GPR158: variants seen among roughly 807,000 people sequenced by gnomAD.
GPR158 encodes the protein metabotropic glycine receptor.
A neutral mutation model predicts 78.2 loss-of-function variants in GPR158; 30 were observed. The ratio of observed to expected loss-of-function variants is 0.38; its 90% CI spans 0.29 to 0.52. The LOEUF (loss-of-function observed/expected upper bound fraction) is 0.52, where lower values mean the gene tolerates loss of function less well. Ranked by LOEUF, GPR158 falls within the 20% of genes least tolerant of loss-of-function variation. GPR158 has a pLI of 0.83. For missense variants in GPR158, 1,463 were observed against 1,523.5 expected (o/e 0.96, Z 0.66); for synonymous variants, 581 against 591.1 (o/e 0.98, Z 0.25).
At chr10:25,406,489 A>C (rs965484616) in intron 3 of GPR158, among the ~76,000 whole-genome samples, 5 of 152,172 alleles carry the variant, frequency 3.3e-5, no homozygotes, top group Non-Finnish European at 7.4e-5. Flanking sequence ...TGAAAGGATC[A>C]GATTTCAGTT....
chr10:25,588,324 T>C (rs960131177), intron 7 of GPR158, among the ~76,000 whole-genome samples: 1 of 152,214 alleles, frequency 6.6e-6, no homozygotes, highest in African/African-American at 2.4e-5. Flanking sequence ...CAGAATTATA[T>C]CTAACACGGT....
intron 6 of GPR158, among the ~76,000 whole-genome samples, chr10:25,566,650 G>A (rs1836932906): frequency 1.3e-5 from 2 of 152,224 alleles, no homozygotes; most frequent in Admixed American, 1.3e-4. Flanking sequence ...GAACCCAGTT[G>A]TGAATTTTCT....
rs1445088488 is a variant in GPR158 at position 25,601,235 on chromosome 10, G to A, written c.*1961G>A. On this transcript the variant is annotated 3_prime_UTR_variant, in exon 11 of 11. Transcript: ENST00000376351. ...AAGCACTTCACTGTTTCACAAAGCT[G>A]TGCGCAAATCTTCCTCACCCATTTG... 1 of 152,602 alleles carries A rather than the reference G, an allele frequency of 6.6e-6. No individual in the cohort carries two copies. The highest frequency in any genetic ancestry group is 1.5e-5 in the Non-Finnish European group (1 of 68,032). 9.5% of individuals were successfully genotyped at this position (152,602 alleles called of 1,614,324 possible). A position where few individuals can be genotyped will look rare whatever the true frequency, so the allele number is the denominator to read the frequency against.
chr10:25,540,634 C>A (rs1042099947), intron 5 of GPR158, among the ~76,000 whole-genome samples: 1 of 151,982 alleles, frequency 6.6e-6, no homozygotes, highest in African/African-American at 2.4e-5. Flanking sequence ...GAGTTCATGT[C>A]CTTTGTAGGG....
intron 2 of GPR158, among the ~76,000 whole-genome samples, chr10:25,323,422 T>C (rs999164563): frequency 6.6e-6 from 1 of 152,210 alleles, no homozygotes; most frequent in Non-Finnish European, 1.5e-5. Flanking sequence ...TTCTCCTCTC[T>C]AGCTATGAAA....
intron 7 of GPR158, among the ~76,000 whole-genome samples, chr10:25,578,433 A>C (rs1837135966): frequency 6.6e-6 from 1 of 152,238 alleles, no homozygotes; most frequent in Admixed American, 6.5e-5. Flanking sequence ...GAAGTCATAC[A>C]CTTGTCCCCA....
intron 5 of GPR158, among the ~76,000 whole-genome samples, chr10:25,492,859 T>A (rs1835828790): frequency 6.7e-6 from 1 of 148,444 alleles, no homozygotes; most frequent in African/African-American, 2.4e-5. Flanking sequence ...TTTAATATTT[T>A]AATATTAATA....
rs71495420 is a variant in GPR158 at position 25,286,818 on chromosome 10, C to T, written c.1008+65661C>T. ...TGCTATGGTTACCCTCATTGTACCACCAGCTTGCCATTTCAGTAGTTGTTA... is the reference window on the plus strand; with the variant it reads ...TGCTATGGTTACCCTCATTGTACCATCAGCTTGCCATTTCAGTAGTTGTTA... On this transcript the variant is annotated intron_variant, in intron 2 of 10. Transcript: ENST00000376351. 2.0e-3 allele frequency among the ~76,000 whole-genome samples: 297 copies of T among 152,134 alleles called. No homozygotes were observed. In the Middle Eastern group the frequency reaches 0.024, roughly 12 times the overall value.
At chr10:25,468,301 T>A (rs1487469305) in intron 5 of GPR158, among the ~76,000 whole-genome samples, 1 of 152,184 alleles carries the variant, frequency 6.6e-6, no homozygotes, top group East Asian at 1.9e-4. Flanking sequence ...CTCCTGCTCA[T>A]GTCTGGCTAT....
intron 5 of GPR158, among the ~76,000 whole-genome samples, chr10:25,536,809 A>G (rs189729312): frequency 6.6e-4 from 101 of 152,336 alleles, no homozygotes; most frequent in Non-Finnish European, 1.1e-3. Context: ...CAGCCAACCC[A>G]TGCTACTCTA....
chr10:25,411,752 A>G (rs928420947), intron 3 of GPR158, among the ~76,000 whole-genome samples: 4 of 151,758 alleles, frequency 2.6e-5, no homozygotes, highest in African/African-American at 9.7e-5. Flanking sequence ...TGGCTAACAC[A>G]GTGAAACCCC....
intron 2 of GPR158, among the ~76,000 whole-genome samples, chr10:25,239,291 A>G (rs1192287568): frequency 1.3e-5 from 2 of 152,070 alleles, no homozygotes; most frequent in African/African-American, 4.8e-5. Flanking sequence ...CAAACTCAAG[A>G]TTGACCAGCT....
At chr10:25,306,002 T>G (rs1036838168) in intron 2 of GPR158, among the ~76,000 whole-genome samples, 2 of 152,170 alleles carry the variant, frequency 1.3e-5, no homozygotes, top group Non-Finnish European at 2.9e-5. Context: ...GAAATGCCTC[T>G]TAGGATTTTT....
At chr10:25,331,565 C>T (rs1855122939) in intron 2 of GPR158, among the ~76,000 whole-genome samples, 1 of 152,188 alleles carries the variant, frequency 6.6e-6, no homozygotes, top group African/African-American at 2.4e-5. Context: ...TTAAACATTA[C>T]TCCAGGAGGT....
intron 6 of GPR158, among the ~76,000 whole-genome samples, chr10:25,558,278 A>T (rs966751180): frequency 5.9e-5 from 9 of 152,250 alleles, no homozygotes; most frequent in Non-Finnish European, 1.2e-4. Flanking sequence ...CCATCTGGTA[A>T]TGCAGAATTA....
chr10:25,217,882 CT>C (rs1045645169), intron 1 of GPR158, among the ~76,000 whole-genome samples: 3 of 151,098 alleles, frequency 2.0e-5, no homozygotes, highest in Admixed American at 6.6e-5. Context: ...CACTTACACG[CT>C]TTTTTTTTGA....
rs953791576 is a variant in GPR158 at position 25,319,829 on chromosome 10, C to CT, written c.1009-76082_1009-76081insT. The stretch of plus-strand genomic sequence containing the variant: ...GATATTGCTGAACACCCCACCCCCC[C>CT]CAAAAAAAAACCCTGACCTGATTTT... On this transcript the variant is annotated intron_variant, in intron 2 of 10. Coordinates refer to ENST00000376351, the MANE Select transcript of GPR158 (RefSeq NM_020752.3). Among the ~76,000 whole-genome samples, 352 of 144,712 alleles carry CT rather than the reference C, an allele frequency of 2.4e-3. 3 individuals are homozygous for CT. The highest frequency in any genetic ancestry group is 2.6e-3 in the Non-Finnish European group (174 of 67,366). The allele number at this position is 144,712 out of a possible 152,430, so 94.9% of individuals were successfully genotyped here.
intron 7 of GPR158, among the ~76,000 whole-genome samples, chr10:25,586,558 A>T (rs1199615615): frequency 1.3e-5 from 2 of 151,660 alleles, no homozygotes; most frequent in Non-Finnish European, 2.9e-5. Context: ...AAGTGCCACC[A>T]CACCAGGCTA....
At chr10:25,408,821 CTTTG>C (rs758772552) in intron 3 of GPR158, among the ~76,000 whole-genome samples, 3 of 152,090 alleles carry the variant, frequency 2.0e-5, no homozygotes, top group African/African-American at 4.8e-5. Flanking sequence ...TTTTGAATGG[CTTTG>C]TTTAAGTGCC....
Sources: allele counts gnomAD v4.1 joint callset (sites outside exome capture counted in the v4.1 genomes callset), GRCh38; gene constraint gnomAD v4.1.1; transcripts MANE v1.5; gene names NCBI Gene and HGNC (gene_info 2026-07-23, HGNC 2026-07-21).